Variants in LSG1 observed in about 807,000 individuals in gnomAD.
The protein encoded by LSG1 is large 60S subunit nuclear export GTPase 1, also known as large subunit GTPase 1 homolog.
LSG1 carries 55 observed loss-of-function variants against 82.6 expected under a neutral mutation model. The observed-to-expected ratio is 0.67, with a 90% CI of 0.54 to 0.83. LSG1 has a LOEUF of 0.83. Among genes scored for constraint, LSG1 ranks in the 40% least tolerant of loss-of-function variants. The pLI is 0.00. For missense variants in LSG1, 809 were observed against 807.9 expected, an observed-to-expected ratio of 1.00 and a Z score of -0.02; for synonymous variants, 272 against 282.5, an observed-to-expected ratio of 0.96 and a Z score of 0.37.
intron 2 of LSG1, among the ~76,000 whole-genome samples, chr3:194,668,661 C>T (rs1034458437): frequency 1.2e-4 from 19 of 152,236 alleles, no homozygotes; most frequent in Middle Eastern, 3.4e-3. Context: ...TAAAGTGATA[C>T]AGTCTCCTAA....
intron 7 of LSG1, among the ~76,000 whole-genome samples, chr3:194,656,067 A>T (rs371092616): frequency 2.6e-5 from 4 of 152,112 alleles, no homozygotes; most frequent in South Asian, 4.1e-4. Flanking sequence ...AACCTAGGCA[A>T]TACCATTCAG....
At chr3:194,664,985 C>T (rs1232890365) in intron 5 of LSG1, among the ~76,000 whole-genome samples, 1 of 152,166 alleles carries the variant, frequency 6.6e-6, no homozygotes, top group Non-Finnish European at 1.5e-5. Context: ...TTCCTCAATA[C>T]TTATCAACCA....
intron 6 of LSG1, among the ~76,000 whole-genome samples, chr3:194,659,768 A>C (rs1718883848): frequency 6.6e-6 from 1 of 152,240 alleles, no homozygotes; most frequent in South Asian, 2.1e-4. Flanking sequence ...AAAATAAATA[A>C]AATGCTATTT....
At position 194,652,965 on chromosome 3, in the gene LSG1, C is replaced by A; in HGVS notation, c.937G>T (p.Glu313Ter). ...CACGTCTGCCAGTCGTCTTCCTCCT[C>A]CTCTGGACAGTCCTCATACTCACTG... Reference protein sequence around the residue: ...DDSEYEDCPEEEEDDWQTCSE... With the variant: ...DDSEYEDCPE Residue 313 changes from glutamate to a stop codon, truncating the protein, a stop_gained, in exon 8 of 14, where the codon GAG becomes TAG. Transcript: ENST00000265245. LOFTEE classifies it high-confidence loss of function. The A allele has an allele frequency of 5.0e-6, 8 of 1,614,206 alleles. No homozygotes were observed. Among genetic ancestry groups the A allele is most frequent in the Non-Finnish European group, 6.8e-6 (8 of 1,180,036 alleles).
intron 7 of LSG1, 67 bp from the exon 8 acceptor site, chr3:194,653,209 T>C: frequency 6.7e-7 from 1 of 1,497,556 alleles, no homozygotes; most frequent in South Asian, 1.3e-5. Flanking sequence ...AAATACTTAA[T>C]GAGTTGTAAG....
At chr3:194,644,361 T>C (rs1182722535) in intron 13 of LSG1, among the ~76,000 whole-genome samples, 1 of 123,928 alleles carries the variant, frequency 8.1e-6, no homozygotes, top group Non-Finnish European at 1.6e-5. Flanking sequence ...AGAGCGAGAC[T>C]CCGTCTCAAA....
rs111377580 is a variant in LSG1, at chr3:194,652,644, T to C, written c.1173+85A>G. 18 of 1,426,950 alleles carry C rather than the reference T, an allele frequency of 1.3e-5. No individual in the cohort carries two copies. In the African/African-American group the frequency reaches 1.6e-4, roughly 12 times the overall value. The allele number at this position is 1,426,950 out of a possible 1,614,324, so 88.4% of individuals were successfully genotyped here. On this transcript the variant is annotated intron_variant, in intron 8 of 13. Coordinates refer to ENST00000265245, the MANE Select transcript of LSG1 (RefSeq NM_018385.3). ...GTTCCCTACGATGCCGGAAGCCTGG[T>C]TGGTCTTTGGGGTCGTGCAGCTACT...
At position 194,642,093 on chromosome 3, in the gene LSG1, C is replaced by T; in HGVS notation, c.1952G>A (p.Arg651Lys). The T allele has an allele frequency of 6.2e-7, 1 of 1,612,924 alleles. No individual in the cohort carries two copies. Among genetic ancestry groups the T allele is most frequent in the African/African-American group, 1.3e-5 (1 of 74,998 alleles). Residue 651 changes from arginine to lysine, a missense_variant, in exon 14 of 14, where the codon AGA (arginine) becomes AAA (lysine). Coordinates refer to ENST00000265245, the MANE Select transcript of LSG1 (RefSeq NM_018385.3). ...TCACATATCCAGGTGCTTGTAGAGT[C>T]TACGACTTTTTTCTTTTTTATTTCT... ...GNRNKKEKSR[R>K]LYKHLDM
At chr3:194,655,781 T>C (rs1282314174) in intron 7 of LSG1, among the ~76,000 whole-genome samples, 1 of 152,158 alleles carries the variant, frequency 6.6e-6, no homozygotes, top group Middle Eastern at 3.2e-3. Context: ...CAAAACAGCA[T>C]GGTACTGGTA....
chr3:194,660,075 A>G lies in LSG1; in HGVS notation c.580T>C (p.Leu194=). The G allele has an allele frequency of 6.2e-7, 1 of 1,613,796 alleles. No individual in the cohort carries two copies. The highest frequency in any genetic ancestry group is 8.5e-7 in the Non-Finnish European group (1 of 1,179,740). ...RNPLLFRCED[L]ECYVKEMDAN... is the part of the protein sequence containing the mutation. ...GAATTTTGTCAAACTTGACTTACCA[A>G]ATCCTCACATCTAAACAGGAGTGGG... Residue 194 remains leucine, a splice_region_variant and synonymous_variant, in exon 6 of 14, where the codon TTG becomes CTG. Transcript: ENST00000265245.
intron 2 of LSG1, 41 bp from the exon 3 acceptor site, chr3:194,666,613 A>T: frequency 1.3e-6 from 2 of 1,560,564 alleles, no homozygotes; most frequent in Non-Finnish European, 1.8e-6. Flanking sequence ...AAGAGGCAGT[A>T]TAGATACAGA....
chr3:194,671,809 T>C (rs938484004), intron 1 of LSG1: 3 of 526,082 alleles, frequency 5.7e-6, no homozygotes, highest in African/African-American at 3.9e-5. Context: ...ACTCAAGACC[T>C]GGCATTGAAG....
intron 7 of LSG1, among the ~76,000 whole-genome samples, chr3:194,657,840 C>T (rs1718834354): frequency 6.6e-6 from 1 of 152,170 alleles, no homozygotes; most frequent in African/African-American, 2.4e-5. Flanking sequence ...GAACTTTCTA[C>T]ATTTAGAGGT....
intron 7 of LSG1, among the ~76,000 whole-genome samples, chr3:194,656,591 A>G (rs539266381): frequency 0.11 from 16,367 of 151,938 alleles, 1,266 homozygotes; most frequent in African/African-American, 0.21. Flanking sequence ...TCAGTGTGGC[A>G]ATTCCTCAGG....
chr3:194,651,260 T>C, intron 8 of LSG1, 44 bp from the exon 9 acceptor site: 1 of 1,320,948 alleles, frequency 7.6e-7, no homozygotes, highest in Non-Finnish European at 1.1e-6. Flanking sequence ...ACAGTACATC[T>C]ATCAAAAGAC....
At chr3:194,644,012 T>C (rs1444111941) in intron 13 of LSG1, among the ~76,000 whole-genome samples, 2 of 151,988 alleles carry the variant, frequency 1.3e-5, no homozygotes, top group Non-Finnish European at 2.9e-5. Flanking sequence ...TTCATAAAGA[T>C]TGATTATTGG....
rs539229146 is a variant in LSG1 at position 194,655,098 on chromosome 3, G to C, written c.760-1956C>G. Among the ~76,000 whole-genome samples, 6 of 152,268 alleles carry C rather than the reference G, an allele frequency of 3.9e-5. No homozygotes were observed. The East Asian group carries it at 1.2e-3, about 29-fold the overall frequency. ...AAATCATGGAAAACAGCAGAGTCCA[G>C]AAAACTTGGGAGAAGCAAATGGCGC... On this transcript the variant is annotated intron_variant, in intron 7 of 13. Transcript: ENST00000265245.
intron 6 of LSG1, 75 bp downstream of exon 6, chr3:194,659,998 G>A (rs1718890589): frequency 3.1e-6 from 4 of 1,275,192 alleles, no homozygotes; most frequent in Non-Finnish European, 4.6e-6. Flanking sequence ...TATGCCTACA[G>A]TCATTGCTGA....
At position 194,641,103 on chromosome 3, in the gene LSG1, T is replaced by C. The variant is rs1340454813; in HGVS notation, c.*965A>G. 6.6e-6 allele frequency: 1 copy of C among 152,208 alleles called. No homozygotes were observed. Among genetic ancestry groups the C allele is most frequent in the Admixed American group, 6.5e-5 (1 of 15,282 alleles). The allele number at this position is 152,208 out of a possible 1,614,324, so 9.4% of individuals were successfully genotyped here. The stretch of plus-strand genomic sequence containing the variant: ...GGGGGCTTACATTTCAACATGAGAC[T>C]CGGTGAGGACACAGATCCAAACCAC... On this transcript the variant is annotated 3_prime_UTR_variant, in exon 14 of 14. Transcript: ENST00000265245.
Sources: gnomAD v4.1 joint callset for allele counts (sites outside exome capture counted in the v4.1 genomes callset) on GRCh38, gnomAD v4.1.1 for gene constraint, MANE v1.5 for transcripts, NCBI Gene and HGNC (gene_info 2026-07-23, HGNC 2026-07-21) for gene names.